The following RBMS3 variants were observed in gnomAD, a reference collection of about 807,000 sequenced individuals.
The protein encoded by RBMS3 is RNA binding motif single stranded interacting protein 3, also known as RNA-binding motif, single-stranded-interacting protein 3.
Under a neutral mutation model 66.8 loss-of-function variants are expected in RBMS3, and 27 were observed. The observed-to-expected ratio is 0.40, with a 90% CI of 0.30 to 0.56. The LOEUF (loss-of-function observed/expected upper bound fraction) is 0.56. Among genes scored for constraint, RBMS3 ranks in the 20% least tolerant of loss-of-function variants. RBMS3 has a pLI of 0.40. For missense variants in RBMS3, 513 were observed against 549.5 expected (o/e 0.93, Z 0.66); for synonymous variants, 188 against 183.0 (o/e 1.03, Z -0.22).
chr3:29,388,758 G>A (rs1248714863), intron 1 of RBMS3, among the ~76,000 whole-genome samples: 8 of 152,158 alleles, frequency 5.3e-5, no homozygotes, highest in Non-Finnish European at 1.2e-4. Context: ...TAGAGACAGG[G>A]TTTCACCATG....
intron 3 of RBMS3, among the ~76,000 whole-genome samples, chr3:29,567,761 G>A (rs542538284): frequency 6.6e-6 from 1 of 152,128 alleles, no homozygotes; most frequent in African/African-American, 2.4e-5. Flanking sequence ...GCAATTTTTG[G>A]TGTTCTCAAC....
At chr3:29,513,513 G>C (rs1447475178) in intron 3 of RBMS3, among the ~76,000 whole-genome samples, 1 of 152,016 alleles carries the variant, frequency 6.6e-6, no homozygotes, top group Non-Finnish European at 1.5e-5. Flanking sequence ...TGTACAAATT[G>C]CTTTCAGTTT....
intron 4 of RBMS3, among the ~76,000 whole-genome samples, chr3:29,671,017 A>G (rs1446514251): frequency 6.6e-6 from 1 of 152,132 alleles, no homozygotes. Context: ...GCCGACTGAC[A>G]CCTCACAAGG....
chr3:29,335,155 T>C (rs1231964167), intron 1 of RBMS3, among the ~76,000 whole-genome samples: 1 of 152,172 alleles, frequency 6.6e-6, no homozygotes, highest in Non-Finnish European at 1.5e-5. Context: ...TAGACTGCAC[T>C]GTCAGTGTTG....
rs71295051 is a variant in RBMS3, at chr3:29,796,712, C to CTTTTTTTTTTTTTTTTTTTT, written c.637+33740_637+33741insTTTTTTTTTTTTTTTTTTTT. Among the ~76,000 whole-genome samples the CTTTTTTTTTTTTTTTTTTTT allele has an allele frequency of 1.2e-4, 14 of 115,274 alleles. 3 individuals are homozygous for CTTTTTTTTTTTTTTTTTTTT. Among genetic ancestry groups the CTTTTTTTTTTTTTTTTTTTT allele is most frequent in the African/African-American group, 4.1e-4 (11 of 27,142 alleles). The allele number at this position is 115,274 out of a possible 152,430, so 75.6% of individuals were successfully genotyped here. ...TGAGAAGTAATATTTTGAAAGGAAT[C>CTTTTTTTTTTTTTTTTTTTT]TTTTTTTTTTTTTTTTTGGAGATGG... On this transcript the variant is annotated intron_variant, in intron 6 of 14. Coordinates refer to ENST00000383767, the MANE Select transcript of RBMS3 (RefSeq NM_001003793.3).
At chr3:29,923,937 G>A (rs1380350089) in intron 10 of RBMS3, among the ~76,000 whole-genome samples, 1 of 152,094 alleles carries the variant, frequency 6.6e-6, no homozygotes, top group Non-Finnish European at 1.5e-5. Flanking sequence ...AATTATAATA[G>A]TTTGGTTTCC....
intron 8 of RBMS3, among the ~76,000 whole-genome samples, chr3:29,895,104 G>A (rs2060095953): frequency 1.3e-5 from 2 of 151,546 alleles, no homozygotes; most frequent in African/African-American, 4.8e-5. Flanking sequence ...GAGAGCTTTA[G>A]GCTGATTAAT....
At chr3:29,568,163 T>C (rs2046812153) in intron 3 of RBMS3, among the ~76,000 whole-genome samples, 1 of 152,178 alleles carries the variant, frequency 6.6e-6, no homozygotes, top group African/African-American at 2.4e-5. Flanking sequence ...TGAACATTAC[T>C]TTTTTAAAGA....
At chr3:29,522,962 G>A (rs902383617) in intron 3 of RBMS3, among the ~76,000 whole-genome samples, 1 of 152,176 alleles carries the variant, frequency 6.6e-6, no homozygotes, top group African/African-American at 2.4e-5. Flanking sequence ...TAACAGTAGT[G>A]CTGAGCACAC....
rs192874161 is a variant in RBMS3 at position 29,665,377 on chromosome 3, T to A, written c.400-74343T>A. Among the ~76,000 whole-genome samples the A allele has an allele frequency of 5.0e-3, 758 of 152,318 alleles. 6 individuals are homozygous for A. The highest frequency in any genetic ancestry group is 8.1e-3 in the Non-Finnish European group (553 of 68,012). ...ATAAAAAATCAATATAGTTTGAAAA[T>A]AAAATAGTTTACATAACTTAGCTTT... On this transcript the variant is annotated intron_variant, in intron 4 of 14. Coordinates refer to ENST00000383767, the MANE Select transcript of RBMS3 (RefSeq NM_001003793.3).
chr3:29,949,380 GC>G (rs1695529399), intron 12 of RBMS3, among the ~76,000 whole-genome samples: 1 of 151,724 alleles, frequency 6.6e-6, no homozygotes, highest in Non-Finnish European at 1.5e-5. Context: ...GCAGACACAA[GC>G]CACGTGCAAA....
At chr3:29,282,047 T>G (rs2031845559) in intron 1 of RBMS3, among the ~76,000 whole-genome samples, 2 of 152,168 alleles carry the variant, frequency 1.3e-5, no homozygotes, top group Admixed American at 1.3e-4. Flanking sequence ...GAACGTCTTT[T>G]GCAGATGGGC....
At chr3:29,541,611 C>T (rs886801076) in intron 3 of RBMS3, among the ~76,000 whole-genome samples, 1 of 152,180 alleles carries the variant, frequency 6.6e-6, no homozygotes, top group African/African-American at 2.4e-5. Context: ...TGGTGTCTGG[C>T]TTCATCCCTT....
intron 4 of RBMS3, among the ~76,000 whole-genome samples, chr3:29,699,203 T>A (rs921145243): frequency 2.1e-4 from 32 of 152,144 alleles, no homozygotes; most frequent in African/African-American, 7.2e-4. Flanking sequence ...CAAGCTGGAG[T>A]GCAGTGTCAC....
intron 3 of RBMS3, among the ~76,000 whole-genome samples, chr3:29,564,846 G>A (rs1487528569): frequency 6.6e-6 from 1 of 151,944 alleles, no homozygotes; most frequent in Non-Finnish European, 1.5e-5. Flanking sequence ...CAATGCCATA[G>A]TTTGGGCTTA....
chr3:29,940,186 CT>C (rs2061356869), intron 11 of RBMS3, among the ~76,000 whole-genome samples: 1 of 151,842 alleles, frequency 6.6e-6, no homozygotes, highest in Non-Finnish European at 1.5e-5. Flanking sequence ...ATTTGATAAA[CT>C]GTAATAGTTT....
chr3:29,487,121 G>A (rs573228053), intron 2 of RBMS3, among the ~76,000 whole-genome samples: 10 of 152,176 alleles, frequency 6.6e-5, no homozygotes, highest in Admixed American at 1.3e-4. Flanking sequence ...TTGTAGGTAC[G>A]ATGAATCATT....
At position 29,725,219 on chromosome 3, in the gene RBMS3, T is replaced by C. The variant is rs116579671; in HGVS notation, c.400-14501T>C. The stretch of plus-strand genomic sequence containing the variant: ...CTAAGATGTATGCATTACTTTTTCA[T>C]TGATAGCCTAGGCACTCTAAGTAAA... On this transcript the variant is annotated intron_variant, in intron 4 of 14. Transcript: ENST00000383767. Among the ~76,000 whole-genome samples, 1,071 of 152,320 alleles carry C rather than the reference T, an allele frequency of 7.0e-3. 3 individuals carry two copies. The highest frequency in any genetic ancestry group is 0.021 in the South Asian group (102 of 4,832).
At chr3:29,500,879 C>T (rs1279870411) in intron 3 of RBMS3, among the ~76,000 whole-genome samples, 3 of 151,396 alleles carry the variant, frequency 2.0e-5, no homozygotes, top group African/African-American at 4.9e-5. Flanking sequence ...AGGGACAAAA[C>T]ATTTATGAGG....
Sources: gnomAD v4.1 joint callset for allele counts (sites outside exome capture counted in the v4.1 genomes callset) on GRCh38, gnomAD v4.1.1 for gene constraint, MANE v1.5 for transcripts, NCBI Gene and HGNC (gene_info 2026-07-23, HGNC 2026-07-21) for gene names.